The following FGF18 variants were observed in gnomAD, a reference collection of about 807,000 sequenced individuals.
FGF18 encodes the protein fibroblast growth factor 18.
Under a neutral mutation model 23.0 loss-of-function variants are expected in FGF18, and 5 were observed. That is an observed-to-expected ratio of 0.22 (90% CI 0.11 to 0.46). FGF18 has a LOEUF of 0.46. FGF18 is among the 20% of genes least tolerant of loss of function. The pLI is 0.99. For missense variants in FGF18, 180 were observed against 291.6 expected (o/e 0.62, Z 2.79); for synonymous variants, 117 against 118.9 (o/e 0.98, Z 0.10).
chr5:171,432,267 C>T (rs1212549310), intron 2 of FGF18, among the ~76,000 whole-genome samples: 1 of 152,114 alleles, frequency 6.6e-6, no homozygotes, highest in East Asian at 1.9e-4. Context: ...GAGGCAGCCC[C>T]GCTATGCATG....
rs752544199 is a variant in FGF18, at chr5:171,436,073, G to A, written c.70-20G>A. 6.6e-7 allele frequency: 1 copy of A among 1,507,690 alleles called. No homozygotes were observed. The highest frequency in any genetic ancestry group is 8.9e-7 in the Non-Finnish European group (1 of 1,121,052). The allele number at this position is 1,507,690 out of a possible 1,614,324, so 93.4% of individuals were successfully genotyped here. ...CCTGGGACATCTGGGGTGGCTTACT[G>A]TGTCCTTTTCCCTGCCCAGGTGCTG... On this transcript the variant is annotated intron_variant, in intron 2 of 4. Coordinates refer to ENST00000274625, the MANE Select transcript of FGF18 (RefSeq NM_003862.3). This position sits in a 1 kb window ranked among gnomAD's most constrained non-coding sequence, Gnocchi z 4.4.
chr5:171,424,107 G>T (rs905779797), intron 2 of FGF18, among the ~76,000 whole-genome samples: 2 of 152,140 alleles, frequency 1.3e-5, no homozygotes, highest in Non-Finnish European at 2.9e-5. Context: ...CCACAGTCAG[G>T]TATTCATTCA....
At chr5:171,446,333 G>A (rs1425532864) in intron 3 of FGF18, among the ~76,000 whole-genome samples, 2 of 152,164 alleles carry the variant, frequency 1.3e-5, no homozygotes, top group Non-Finnish European at 2.9e-5. Context: ...GTGAGGGGTG[G>A]GGGTTGTGCT....
intron 4 of FGF18, among the ~76,000 whole-genome samples, chr5:171,455,499 C>T (rs2113369424): frequency 6.6e-6 from 1 of 152,186 alleles, no homozygotes; most frequent in East Asian, 1.9e-4. Flanking sequence ...AACGAACCAT[C>T]ATTGGCCCAC....
rs1772325043 is a variant in FGF18, at chr5:171,440,440, A to G, written c.250+4167A>G. Among the ~76,000 whole-genome samples the G allele has an allele frequency of 6.6e-6, 1 of 152,054 alleles. No individual in the cohort carries two copies. The highest frequency in any genetic ancestry group is 1.5e-5 in the Non-Finnish European group (1 of 68,024). On this transcript the variant is annotated intron_variant, in intron 3 of 4. Coordinates refer to ENST00000274625, the MANE Select transcript of FGF18 (RefSeq NM_003862.3). The surrounding 1 kb of genome is among the most constrained non-coding windows in gnomAD (Gnocchi z 4.0). Reference sequence around the variant, plus strand: ...GGGAGGAGGGCCTTTGGCTCCCCTGATTGCGTGTGTCTCCCCTCAGTCCCT... The same window carrying G: ...GGGAGGAGGGCCTTTGGCTCCCCTGGTTGCGTGTGTCTCCCCTCAGTCCCT...
At chr5:171,450,117 G>A (rs1772477540) in intron 4 of FGF18, among the ~76,000 whole-genome samples, 1 of 151,594 alleles carries the variant, frequency 6.6e-6, no homozygotes. Flanking sequence ...GAGTGGGGTG[G>A]AGGGTAGGCC....
chr5:171,433,872 G>T (rs1772213101), intron 2 of FGF18, among the ~76,000 whole-genome samples: 3 of 152,188 alleles, frequency 2.0e-5, no homozygotes, highest in Admixed American at 1.3e-4. Flanking sequence ...CCCATAAAGG[G>T]TTCCCTTGTG....
chr5:171,450,958 C>T (rs1772495659), intron 4 of FGF18, among the ~76,000 whole-genome samples: 1 of 152,186 alleles, frequency 6.6e-6, no homozygotes, highest in Admixed American at 6.5e-5. Context: ...GCCCACGCCG[C>T]GGCCCGCCCT....
chr5:171,446,440 G>A (rs1035172158), intron 3 of FGF18, among the ~76,000 whole-genome samples: 2 of 152,190 alleles, frequency 1.3e-5, no homozygotes, highest in Admixed American at 1.3e-4. Context: ...CTGTTACTGG[G>A]TGCTGCTCTG....
Position 171,429,191 on chromosome 5 carries a change from T to G in FGF18, c.70-6902T>G, listed in dbSNP as rs995088497. On this transcript the variant is annotated intron_variant, in intron 2 of 4. Coordinates refer to ENST00000274625, the MANE Select transcript of FGF18 (RefSeq NM_003862.3). ...TGGGCCCGGCCTTCCTCCTCCCCTTTCCATCCATGGGAAACTCATGGGCTT... is the reference window on the plus strand; with the variant it reads ...TGGGCCCGGCCTTCCTCCTCCCCTTGCCATCCATGGGAAACTCATGGGCTT... 4.6e-5 allele frequency among the ~76,000 whole-genome samples: 7 copies of G among 152,326 alleles called. No individual in the cohort carries two copies. In the South Asian group the frequency reaches 1.2e-3, roughly 27 times the overall value.
chr5:171,420,503 C>A (rs1160024586), intron 2 of FGF18, 60 bp downstream of exon 2: 5 of 1,525,862 alleles, frequency 3.3e-6, no homozygotes, highest in East Asian at 4.5e-5. Flanking sequence ...ACGCCGACCC[C>A]CCTTCCCCGG....
rs913931805 is a variant in FGF18 at position 171,434,988 on chromosome 5, C to T, written c.70-1105C>T. On this transcript the variant is annotated intron_variant, in intron 2 of 4. Coordinates refer to ENST00000274625, the MANE Select transcript of FGF18 (RefSeq NM_003862.3). This position sits in a 1 kb window ranked among gnomAD's most constrained non-coding sequence, Gnocchi z 4.6. ...AGGAGGTGACATTTGAGCAGAGACC[C>T]GAGTGAGCTCAAGGGGTTAGAATGT... Among the ~76,000 whole-genome samples the T allele has an allele frequency of 1.3e-5, 2 of 152,056 alleles. No homozygotes were observed. The highest frequency in any genetic ancestry group is 2.9e-5 in the Non-Finnish European group (2 of 68,014).
intron 2 of FGF18, among the ~76,000 whole-genome samples, chr5:171,429,340 T>C (rs1772144353): frequency 6.6e-6 from 1 of 152,340 alleles, no homozygotes; most frequent in East Asian, 1.9e-4. Context: ...TTTCAGCTGC[T>C]CAGGTTGTGT....
At position 171,436,255 on chromosome 5, in the gene FGF18, G is replaced by A; in HGVS notation, c.232G>A (p.Glu78Lys). Reference sequence around the variant, plus strand: ...GGGCCGCAGGATCAGTGCCCGCGGCGAGGATGGGGACAAGTATGGTATGTG... The same window carrying A: ...GGGCCGCAGGATCAGTGCCCGCGGCAAGGATGGGGACAAGTATGGTATGTG... ...VLGRRISARG[E>K]DGDKYAQLLV... Residue 78 changes from glutamate (E) to lysine (K), a missense_variant, in exon 3 of 5, where the codon GAG becomes AAG. By Grantham distance (56) the Glu-to-Lys change is moderately conservative. Coordinates refer to ENST00000274625, the MANE Select transcript of FGF18 (RefSeq NM_003862.3). The surrounding 1 kb of genome is among the most constrained non-coding windows in gnomAD (Gnocchi z 4.4). 5 of 1,591,500 alleles carry A rather than the reference G, an allele frequency of 3.1e-6. No homozygotes were observed. Among genetic ancestry groups the A allele is most frequent in the Non-Finnish European group, 3.4e-6 (4 of 1,167,480 alleles).
chr5:171,448,752 G>A (rs1772452767), intron 3 of FGF18, among the ~76,000 whole-genome samples: 1 of 152,136 alleles, frequency 6.6e-6, no homozygotes, highest in East Asian at 1.9e-4. Context: ...TTTTTTGCAC[G>A]GTTCTTTGTC....
At chr5:171,441,891 T>TG (rs1772351418) in intron 3 of FGF18, among the ~76,000 whole-genome samples, 1 of 152,154 alleles carries the variant, frequency 6.6e-6, no homozygotes, top group East Asian at 1.9e-4. Context: ...CAGTAGGTAC[T>TG]TGGCAAATCA....
chr5:171,436,235 G>A lies in FGF18; in HGVS notation c.212G>A (p.Arg71His), dbSNP rs745353337. 42 of 1,597,774 alleles carry A rather than the reference G, an allele frequency of 2.6e-5. No individual in the cohort carries two copies. Among genetic ancestry groups the A allele is most frequent in the Non-Finnish European group, 3.3e-5 (39 of 1,171,554 alleles). ...TSGKHIQVLG[R>H]RISARGEDGD... ...GGGAAACACATCCAGGTCCTGGGCC[G>A]CAGGATCAGTGCCCGCGGCGAGGAT... Residue 71 changes from arginine (R) to histidine (H), a missense_variant, in exon 3 of 5, where the codon CGC (arginine) becomes CAC (histidine). Coordinates refer to ENST00000274625, the MANE Select transcript of FGF18 (RefSeq NM_003862.3). This position sits in a 1 kb window ranked among gnomAD's most constrained non-coding sequence, Gnocchi z 4.4.
In FGF18 at chr5:171,422,096, T is replaced by C. The variant is rs536349434; in HGVS notation, c.69+1653T>C. Among the ~76,000 whole-genome samples, 5 of 152,108 alleles carry C rather than the reference T, an allele frequency of 3.3e-5. No homozygotes were observed. The South Asian group carries it at 1.0e-3, about 32-fold the overall frequency. ...AGTAGCAGGGAGGCCTGCGGATGTG[T>C]GGCTCAAGCCTCTGGATGCCTGCTG... On this transcript the variant is annotated intron_variant, in intron 2 of 4. Coordinates refer to ENST00000274625, the MANE Select transcript of FGF18 (RefSeq NM_003862.3).
rs532814453 is a variant in FGF18, at chr5:171,445,886, T to G, written c.251-3261T>G. Among the ~76,000 whole-genome samples, 4 of 152,234 alleles carry G rather than the reference T, an allele frequency of 2.6e-5. No homozygotes were observed. The South Asian group carries it at 8.3e-4, about 32-fold the overall frequency. On this transcript the variant is annotated intron_variant, in intron 3 of 4. Coordinates refer to ENST00000274625, the MANE Select transcript of FGF18 (RefSeq NM_003862.3). ...AAATGGAGCTGTGCCTGAGCCCGGA[T>G]GAGGTTTCCAGCTCTTGAGAGCAGC...
Sources: allele counts gnomAD v4.1 joint callset (sites outside exome capture counted in the v4.1 genomes callset), GRCh38; gene constraint gnomAD v4.1.1; non-coding constraint Gnocchi (gnomAD v3.1); transcripts MANE v1.5; gene names NCBI Gene and HGNC (gene_info 2026-07-23, HGNC 2026-07-21).